Variants in RALYL observed in about 807,000 individuals in gnomAD.
RALYL encodes the protein RNA-binding Raly-like protein.
A neutral mutation model predicts 35.1 loss-of-function variants in RALYL; 29 were observed. The observed-to-expected ratio is 0.83, with a 90% confidence interval of 0.61 to 1.13. The LOEUF (loss-of-function observed/expected upper bound fraction) is 1.13. Among genes scored for constraint, RALYL ranks in the 50% most tolerant of loss-of-function variants. The pLI is 0.00. For missense variants in RALYL, 359 were observed against 360.4 expected (o/e 1.00, Z 0.03); for synonymous variants, 120 against 127.6 (o/e 0.94, Z 0.40).
chr8:84,423,031 T>A (rs2132447310), intron 1 of RALYL, among the ~76,000 whole-genome samples: 1 of 150,018 alleles, frequency 6.7e-6, no homozygotes, highest in South Asian at 2.1e-4. Flanking sequence ...TTCTGTTGAT[T>A]TGGGGTGGAC....
At chr8:84,302,515 A>G (rs1841001412) in intron 1 of RALYL, among the ~76,000 whole-genome samples, 1 of 152,114 alleles carries the variant, frequency 6.6e-6, no homozygotes, top group Non-Finnish European at 1.5e-5. Context: ...TATCCCCAAG[A>G]GAGTTTATTA....
intron 1 of RALYL, among the ~76,000 whole-genome samples, chr8:84,370,385 A>ATT (rs1483315240): frequency 6.6e-6 from 1 of 151,984 alleles, no homozygotes; most frequent in Non-Finnish European, 1.5e-5. Flanking sequence ...TTTAACGTAA[A>ATT]TGAAAAGTAG....
chr8:84,753,747 C>T (rs1297491135), intron 2 of RALYL, among the ~76,000 whole-genome samples: 1 of 152,116 alleles, frequency 6.6e-6, no homozygotes, highest in Non-Finnish European at 1.5e-5. Context: ...CTTGAGGCCT[C>T]CCCAGAAGCA....
At chr8:84,407,137 C>A (rs184540683) in intron 1 of RALYL, among the ~76,000 whole-genome samples, 18 of 151,996 alleles carry the variant, frequency 1.2e-4, no homozygotes, top group Non-Finnish European at 1.9e-4. Context: ...CTCCATCTGT[C>A]ATTTCCATAT....
chr8:84,794,731 C>A (rs991870116), intron 3 of RALYL, among the ~76,000 whole-genome samples: 2 of 152,164 alleles, frequency 1.3e-5, no homozygotes, highest in Admixed American at 6.5e-5. Flanking sequence ...GCCCCCAAAG[C>A]TGTTGGAGCA....
intron 2 of RALYL, among the ~76,000 whole-genome samples, chr8:84,534,894 G>GT (rs1386261468): frequency 6.6e-6 from 1 of 152,036 alleles, no homozygotes; most frequent in Non-Finnish European, 1.5e-5. Flanking sequence ...CCTGATTTCA[G>GT]TTTTTTATAA....
At chr8:84,914,484 T>C (rs1353607059) in intron 8 of RALYL, among the ~76,000 whole-genome samples, 5 of 152,052 alleles carry the variant, frequency 3.3e-5, no homozygotes, top group Non-Finnish European at 7.4e-5. Flanking sequence ...CAATCATCAT[T>C]ATCTTCAGAA....
intron 1 of RALYL, among the ~76,000 whole-genome samples, chr8:84,401,111 A>C (rs985178477): frequency 6.6e-6 from 1 of 152,204 alleles, no homozygotes; most frequent in Non-Finnish European, 1.5e-5. Flanking sequence ...AAAATCACTG[A>C]GACTGATTAA....
At chr8:84,781,831 G>A (rs992076401) in intron 3 of RALYL, among the ~76,000 whole-genome samples, 5 of 152,080 alleles carry the variant, frequency 3.3e-5, no homozygotes, top group African/African-American at 7.2e-5. Flanking sequence ...TAGTCAAGGC[G>A]AAAACAGGAG....
intron 1 of RALYL, among the ~76,000 whole-genome samples, chr8:84,521,984 A>G (rs1456358279): frequency 2.6e-5 from 4 of 152,024 alleles, no homozygotes; most frequent in Non-Finnish European, 5.9e-5. Flanking sequence ...ATGCATTCCC[A>G]TTATTCTACA....
At chr8:84,919,003 TG>T (rs1271171735) in intron 8 of RALYL, among the ~76,000 whole-genome samples, 2 of 152,040 alleles carry the variant, frequency 1.3e-5, no homozygotes, top group East Asian at 1.9e-4. Context: ...ATCTACAGGT[TG>T]TTTTTTTCAT....
At chr8:84,670,307 G>T (rs28701915) in intron 2 of RALYL, among the ~76,000 whole-genome samples, 11,210 of 152,156 alleles carry the variant, frequency 0.074, 999 homozygotes, top group African/African-American at 0.21. Flanking sequence ...CACAACTCTT[G>T]CTGCTGGACA....
intron 1 of RALYL, among the ~76,000 whole-genome samples, chr8:84,481,502 A>T (rs545509874): frequency 4.3e-4 from 66 of 152,276 alleles, no homozygotes; most frequent in African/African-American, 1.6e-3. Flanking sequence ...TATCAAACAG[A>T]CTTTATTATG....
chr8:84,758,330 T>C (rs1811912066), intron 2 of RALYL, among the ~76,000 whole-genome samples: 1 of 152,190 alleles, frequency 6.6e-6, no homozygotes, highest in African/African-American at 2.4e-5. Context: ...TTTGGGTAGG[T>C]AAATAAAAAC....
intron 1 of RALYL, among the ~76,000 whole-genome samples, chr8:84,276,038 T>C (rs374543600): frequency 4.1e-4 from 63 of 152,348 alleles, no homozygotes; most frequent in African/African-American, 1.5e-3. Flanking sequence ...ATGCTTTTAT[T>C]CTTAAAACAT....
chr8:84,598,704 A>T (rs1815197346), intron 2 of RALYL, among the ~76,000 whole-genome samples: 1 of 152,200 alleles, frequency 6.6e-6, no homozygotes, highest in South Asian at 2.1e-4. Context: ...AAACAGTATC[A>T]TCTGATAACA....
intron 2 of RALYL, among the ~76,000 whole-genome samples, chr8:84,547,826 GGT>G (rs983289899): frequency 6.6e-6 from 1 of 152,122 alleles, no homozygotes; most frequent in Non-Finnish European, 1.5e-5. Flanking sequence ...TGAGTTCTCT[GGT>G]AAATGTTTAC....
chr8:84,790,773 G>A (rs1290732415), intron 3 of RALYL, among the ~76,000 whole-genome samples: 1 of 152,182 alleles, frequency 6.6e-6, no homozygotes, highest in African/African-American at 2.4e-5. Flanking sequence ...AGAAAGTGAT[G>A]TACAGAAAAT....
At chr8:84,384,868 G>C (rs539304466) in intron 1 of RALYL, among the ~76,000 whole-genome samples, 1 of 151,820 alleles carries the variant, frequency 6.6e-6, no homozygotes, top group East Asian at 2.0e-4. Flanking sequence ...TCCAAAAGTT[G>C]ACATGTTAAA....
Sources: gnomAD v4.1 joint callset for allele counts (sites outside exome capture counted in the v4.1 genomes callset) on GRCh38, gnomAD v4.1.1 for gene constraint, MANE v1.5 for transcripts, NCBI Gene and HGNC (gene_info 2026-07-23, HGNC 2026-07-21) for gene names.